The following ATF6 variants were observed in gnomAD, a reference collection of about 807,000 sequenced individuals.
The protein encoded by ATF6 is activating transcription factor 6.
ATF6 carries 53 observed loss-of-function variants against 83.6 expected under a neutral mutation model. That is an observed-to-expected ratio of 0.63 (90% CI 0.51 to 0.80). ATF6 has a LOEUF of 0.80. Among genes scored for constraint, ATF6 ranks in the 30% least tolerant of loss-of-function variants. The probability of loss-of-function intolerance (pLI) is 0.00; values close to 1 mark genes in which losing one functional copy is unlikely to be tolerated. For missense variants in ATF6, 744 were observed against 797.9 expected (o/e 0.93, Z 0.81); for synonymous variants, 288 against 285.8 (o/e 1.01, Z -0.08).
chr1:161,844,472 A>C (rs953705928), intron 9 of ATF6, among the ~76,000 whole-genome samples: 1 of 152,166 alleles, frequency 6.6e-6, no homozygotes, highest in Non-Finnish European at 1.5e-5. Flanking sequence ...GCACATTTCT[A>C]GTTAAAACAA....
chr1:161,774,597 A>G (rs1180599344), intron 1 of ATF6, among the ~76,000 whole-genome samples: 3 of 152,212 alleles, frequency 2.0e-5, no homozygotes, highest in East Asian at 3.9e-4. Flanking sequence ...TCTCCCTTTC[A>G]AGAGAGAGAG....
At chr1:161,837,790 G>A (rs1686259604) in intron 9 of ATF6, among the ~76,000 whole-genome samples, 1 of 152,142 alleles carries the variant, frequency 6.6e-6, no homozygotes, top group African/African-American at 2.4e-5. Context: ...TTTTCTGCGT[G>A]TTGTATTAAG....
At chr1:161,774,543 T>G (rs1340961805) in intron 1 of ATF6, among the ~76,000 whole-genome samples, 1 of 152,108 alleles carries the variant, frequency 6.6e-6, no homozygotes, top group Non-Finnish European at 1.5e-5. Flanking sequence ...TTACACAGAC[T>G]CCTCAGTTGT....
intron 12 of ATF6, among the ~76,000 whole-genome samples, chr1:161,856,720 G>A (rs3767634): frequency 0.22 from 31,690 of 146,876 alleles, 4,106 homozygotes; most frequent in East Asian, 0.31. Context: ...TGCCCTAAAT[G>A]CTTTTTTTTT....
chr1:161,878,866 G>A (rs1687270610), intron 14 of ATF6, among the ~76,000 whole-genome samples: 1 of 152,132 alleles, frequency 6.6e-6, no homozygotes, highest in South Asian at 2.1e-4. Flanking sequence ...GGATTAAGTA[G>A]TAAGGAAGTG....
chr1:161,814,920 G>A (rs987885614), intron 7 of ATF6, among the ~76,000 whole-genome samples: 2 of 152,218 alleles, frequency 1.3e-5, no homozygotes, highest in South Asian at 2.1e-4. Flanking sequence ...ATGCAATAAT[G>A]TATGTTATGT....
chr1:161,790,442 A>G (rs1417859078), intron 4 of ATF6, among the ~76,000 whole-genome samples: 1 of 152,168 alleles, frequency 6.6e-6, no homozygotes, highest in African/African-American at 2.4e-5. Context: ...CTGAATATTA[A>G]AAGACTTTGG....
At chr1:161,870,026 A>AT (rs35265275) in intron 14 of ATF6, among the ~76,000 whole-genome samples, 132,950 of 150,692 alleles carry the variant, frequency 0.88, 58,707 homozygotes, top group African/African-American at 0.91. Context: ...TAATACAGTG[A>AT]TTTTTTTTTC....
In ATF6 at chr1:161,821,058, C is replaced by G; in HGVS notation, c.1096-12C>G. ...TTAGTTTAATTGTATTTAATGTGGTCATTTCCTTTAGAACCAGAGGCTTAA... is the reference window on the plus strand; with the variant it reads ...TTAGTTTAATTGTATTTAATGTGGTGATTTCCTTTAGAACCAGAGGCTTAA... On this transcript the variant is annotated splice_polypyrimidine_tract_variant and intron_variant, in intron 8 of 15. Transcript: ENST00000367942. 6.3e-7 allele frequency: 1 copy of G among 1,577,300 alleles called. No homozygotes were observed. Among genetic ancestry groups the G allele is most frequent in the South Asian group, 1.1e-5 (1 of 87,250 alleles).
chr1:161,912,229 T>C, intron 14 of ATF6, 67 bp from the exon 15 acceptor site: 1 of 1,044,184 alleles, frequency 9.6e-7, no homozygotes, highest in Non-Finnish European at 1.4e-6. Flanking sequence ...TTAGAAGCCC[T>C]GAATTTGGCC....
At chr1:161,933,453 T>A (rs1688474539) in intron 15 of ATF6, among the ~76,000 whole-genome samples, 1 of 152,242 alleles carries the variant, frequency 6.6e-6, no homozygotes. Context: ...AAATTTTATG[T>A]GTAACTTTAT....
Position 161,962,728 on chromosome 1 carries a change from G to A in ATF6, c.*4074G>A, listed in dbSNP as rs1340871162. ...CCCTCTTTCCACTGCATACTGATGG[G>A]CTGACTCAGCTTCCTTCAGCCGACT... is the stretch of plus-strand genomic sequence containing the variant. On this transcript the variant is annotated 3_prime_UTR_variant, in exon 16 of 16. Coordinates refer to ENST00000367942, the MANE Select transcript of ATF6 (RefSeq NM_007348.4). 3 of 152,154 alleles carry A rather than the reference G, an allele frequency of 2.0e-5. No homozygotes were observed. Among genetic ancestry groups the A allele is most frequent in the South Asian group, 2.1e-4 (1 of 4,818 alleles). 9.4% of individuals were successfully genotyped at this position (152,154 alleles called of 1,614,324 possible). A position where few individuals can be genotyped will look rare whatever the true frequency, so the allele number is the denominator to read the frequency against.
intron 9 of ATF6, among the ~76,000 whole-genome samples, chr1:161,828,839 A>G (rs532099179): frequency 1.3e-5 from 2 of 152,320 alleles, no homozygotes; most frequent in Admixed American, 6.5e-5. Flanking sequence ...AATTCTTCTC[A>G]GAAGAGACAC....
intron 7 of ATF6, among the ~76,000 whole-genome samples, chr1:161,806,470 T>C (rs1447315824): frequency 6.6e-6 from 1 of 152,174 alleles, no homozygotes; most frequent in Non-Finnish European, 1.5e-5. Flanking sequence ...GTGGGCCACA[T>C]TGGAGCAAAT....
At chr1:161,816,047 C>T (rs1169480568) in intron 7 of ATF6, among the ~76,000 whole-genome samples, 3 of 152,194 alleles carry the variant, frequency 2.0e-5, no homozygotes, top group Non-Finnish European at 4.4e-5. Context: ...TGAAAGTTTT[C>T]CTTTTATATA....
intron 14 of ATF6, among the ~76,000 whole-genome samples, chr1:161,880,638 A>G (rs541886945): frequency 2.0e-5 from 3 of 152,288 alleles, no homozygotes; most frequent in Middle Eastern, 3.4e-3. Flanking sequence ...TGGTGTAGGG[A>G]TATAGCACAA....
At chr1:161,812,980 G>A (rs1002257370) in intron 7 of ATF6, among the ~76,000 whole-genome samples, 24 of 151,830 alleles carry the variant, frequency 1.6e-4, no homozygotes, top group African/African-American at 5.6e-4. Context: ...CTAATCCAGT[G>A]GTGTCATCAT....
Position 161,860,956 on chromosome 1 carries a change from C to A in ATF6, c.1604+679C>A, listed in dbSNP as rs368801097. On this transcript the variant is annotated intron_variant, in intron 13 of 15. Coordinates refer to ENST00000367942, the MANE Select transcript of ATF6 (RefSeq NM_007348.4). ...GGTTAAGATGCTAGCTTTATTTGCC[C>A]TGTTGGGCAGAGTTCAAATTATAAC... Among the ~76,000 whole-genome samples the A allele has an allele frequency of 2.2e-3, 339 of 152,242 alleles. 1 individual carries two copies. Among genetic ancestry groups the A allele is most frequent in the African/African-American group, 7.6e-3 (317 of 41,562 alleles).
intron 14 of ATF6, among the ~76,000 whole-genome samples, chr1:161,900,974 AACATATG>A (rs1687775628): frequency 6.6e-6 from 1 of 152,086 alleles, no homozygotes; most frequent in South Asian, 2.1e-4. Context: ...GTGTTATGTA[AACATATG>A]ACATATGACA....
Sources: gnomAD v4.1 joint callset for allele counts (sites outside exome capture counted in the v4.1 genomes callset) on GRCh38, gnomAD v4.1.1 for gene constraint, MANE v1.5 for transcripts, NCBI Gene and HGNC (gene_info 2026-07-23, HGNC 2026-07-21) for gene names.